Variants in RICTOR observed in about 807,000 individuals in gnomAD.
RICTOR encodes the protein rapamycin-insensitive companion of mTOR.
Under a neutral mutation model 214.9 loss-of-function variants are expected in RICTOR, and 49 were observed. That is an observed-to-expected ratio of 0.23 (90% CI 0.18 to 0.29). The LOEUF is 0.29. Ranked by LOEUF, RICTOR falls within the 10% of genes least tolerant of loss-of-function variation. RICTOR has a pLI of 1.00. For missense variants in RICTOR, 1,625 were observed against 2,047.0 expected (o/e 0.79, Z 3.98); for synonymous variants, 717 against 711.3 (o/e 1.01, Z -0.13).
intron 2 of RICTOR, among the ~76,000 whole-genome samples, chr5:39,022,729 C>T (rs1272122840): frequency 1.3e-5 from 2 of 152,142 alleles, no homozygotes; most frequent in Non-Finnish European, 2.9e-5. Context: ...AAGCATCAGA[C>T]AAACTTAACC....
intron 2 of RICTOR, among the ~76,000 whole-genome samples, chr5:39,036,962 C>T (rs1441620105): frequency 1.3e-5 from 2 of 152,132 alleles, no homozygotes; most frequent in Non-Finnish European, 2.9e-5. Flanking sequence ...CTGCACCAAG[C>T]AGTCCTAATA....
chr5:38,960,008 G>A, intron 20 of RICTOR, 30 bp from the exon 21 acceptor site: 1 of 1,417,882 alleles, frequency 7.1e-7, no homozygotes, highest in Non-Finnish European at 9.9e-7. Flanking sequence ...GATATTGTGA[G>A]AAAAGCATTC....
chr5:38,990,331 G>A (rs1400470474), intron 7 of RICTOR, among the ~76,000 whole-genome samples: 11 of 151,654 alleles, frequency 7.3e-5, no homozygotes, highest in East Asian at 5.8e-4. Context: ...ATCACACACC[G>A]GGGCCTATCA....
In RICTOR at chr5:38,967,294, C is replaced by T. The variant is rs183332433; in HGVS notation, c.1151+43G>A. The T allele has an allele frequency of 6.6e-5, 105 of 1,596,848 alleles. 1 individual carries two copies. The Admixed American group carries it at 1.3e-3, about 20-fold the overall frequency. On this transcript the variant is annotated intron_variant, in intron 13 of 37. Transcript: ENST00000357387. ...AGATTACACAGTCTAACATAAAAACCCGAATTCTAATAAATTGAAACCCTT... is the reference window on the plus strand; with the variant it reads ...AGATTACACAGTCTAACATAAAAACTCGAATTCTAATAAATTGAAACCCTT...
intron 2 of RICTOR, among the ~76,000 whole-genome samples, chr5:39,023,759 C>G (rs1372485982): frequency 2.0e-5 from 3 of 152,224 alleles, no homozygotes; most frequent in African/African-American, 7.2e-5. Flanking sequence ...TAGCTTGCGT[C>G]TGCCTACCTT....
intron 7 of RICTOR, among the ~76,000 whole-genome samples, chr5:38,990,578 A>C (rs62359811): frequency 2.1e-5 from 3 of 145,610 alleles, no homozygotes; most frequent in Admixed American, 1.4e-4. Flanking sequence ...GATATATATG[A>C]TATATACATG....
intron 27 of RICTOR, among the ~76,000 whole-genome samples, chr5:38,953,982 C>A (rs1006912939): frequency 6.6e-6 from 1 of 151,780 alleles, no homozygotes; most frequent in Non-Finnish European, 1.5e-5. Flanking sequence ...AGTAGTAACA[C>A]TGAGAAAATC....
chr5:38,948,491 T>G (rs547106792), intron 31 of RICTOR, among the ~76,000 whole-genome samples: 2 of 152,194 alleles, frequency 1.3e-5, no homozygotes, highest in South Asian at 4.1e-4. Flanking sequence ...TCAACCAGTA[T>G]AGGTCCCTTT....
intron 16 of RICTOR, 122 bp from the exon 17 acceptor site, chr5:38,963,163 T>C: frequency 3.2e-6 from 2 of 630,612 alleles, no homozygotes; most frequent in East Asian, 5.6e-5. Context: ...ATAAAGTAAA[T>C]TATTTCATCA....
At chr5:39,034,084 A>G (rs1183622528) in intron 2 of RICTOR, among the ~76,000 whole-genome samples, 1 of 152,228 alleles carries the variant, frequency 6.6e-6, no homozygotes, top group African/African-American at 2.4e-5. Context: ...GTCCTTGCTG[A>G]CAGTTTATCA....
At chr5:39,039,173 T>G (rs375034372) in intron 2 of RICTOR, among the ~76,000 whole-genome samples, 1 of 151,992 alleles carries the variant, frequency 6.6e-6, no homozygotes, top group Non-Finnish European at 1.5e-5. Flanking sequence ...ATATCTACAA[T>G]TATCTGATCT....
Position 38,963,009 on chromosome 5 carries a change from C to T in RICTOR, c.1433G>A (p.Arg478His), listed in dbSNP as rs377753143. 14 of 1,612,704 alleles carry T rather than the reference C, an allele frequency of 8.7e-6. No individual in the cohort carries two copies. Among genetic ancestry groups the T allele is most frequent in the African/African-American group, 2.7e-5 (2 of 74,818 alleles). The change falls in exon 17 of 38, where the codon CGC becomes CAC. Residue 478 changes from arginine to histidine, a missense_variant. By Grantham distance (29) the Arg-to-His change is conservative (BLOSUM62 0). Around this residue, in one of 5 missense-constraint regions of RICTOR, gnomAD observed 1,214 missense variants for 1,470.5 expected, o/e 0.83. Transcript: ENST00000357387. ...TCCTCGTTTCTTCATTTCATGGAAG[C>T]GTTTTAAACAGTTCAAGGCTGCACT... is the stretch of plus-strand genomic sequence containing the variant. Reference protein sequence around the residue: ...RASAALNCLKRFHEMKKRGPK... With the variant: ...RASAALNCLKHFHEMKKRGPK...
At chr5:39,052,430 T>C (rs1314934168) in intron 2 of RICTOR, among the ~76,000 whole-genome samples, 2 of 152,170 alleles carry the variant, frequency 1.3e-5, no homozygotes, top group African/African-American at 4.8e-5. Context: ...ACCTATCGTG[T>C]CTACAAATAC....
At chr5:39,008,251 T>C (rs1754224787) in intron 3 of RICTOR, among the ~76,000 whole-genome samples, 1 of 152,128 alleles carries the variant, frequency 6.6e-6, no homozygotes, top group South Asian at 2.1e-4. Context: ...CCTCTGCGTT[T>C]TTGTGTATTT....
intron 5 of RICTOR, among the ~76,000 whole-genome samples, chr5:38,998,908 C>G (rs1007540356): frequency 6.6e-6 from 1 of 150,578 alleles, no homozygotes; most frequent in Admixed American, 6.6e-5. Context: ...CCCAGCTACT[C>G]GGGAGGCTGA....
rs1035373121 is a variant in RICTOR, at chr5:38,953,085, T to A, written c.2797A>T (p.Ile933Phe). Residue 933 changes from isoleucine to phenylalanine, a missense_variant, in exon 29 of 38, where the codon ATC (isoleucine) becomes TTC (phenylalanine). Transcript: ENST00000357387. ...TTGAGACCCCAATTTGATGAGCCGA[T>A]ATTTCCCTGAAAGAAAAGAAATCAC... ...LKASLWALGN[I>F]GSSNWGLNLL... is the part of the protein sequence containing the mutation. 1 of 1,596,118 alleles carries A rather than the reference T, an allele frequency of 6.3e-7. No individual in the cohort carries two copies.
chr5:38,960,646 A>G (rs2150019253), intron 19 of RICTOR, 113 bp from the exon 20 acceptor site: 1 of 1,045,720 alleles, frequency 9.6e-7, no homozygotes, highest in East Asian at 2.5e-5. Flanking sequence ...GGTCTGAACC[A>G]TTGGGATAAA....
At chr5:38,954,948 A>G in intron 26 of RICTOR, 87 bp from the exon 27 acceptor site, 1 of 617,106 alleles carries the variant, frequency 1.6e-6, no homozygotes, top group Non-Finnish European at 2.8e-6. Flanking sequence ...TGTTTGATAA[A>G]TAAAATTAGA....
chr5:39,031,260 A>C (rs1756251821), intron 2 of RICTOR, among the ~76,000 whole-genome samples: 1 of 152,200 alleles, frequency 6.6e-6, no homozygotes, highest in South Asian at 2.1e-4. Flanking sequence ...GGCACTGAAA[A>C]GAAAAGGCAG....
Sources: gnomAD v4.1 joint callset for allele counts (sites outside exome capture counted in the v4.1 genomes callset) on GRCh38, gnomAD v4.1.1 for gene constraint, gnomAD v4.1.1 regional missense constraint, MANE v1.5 for transcripts, NCBI Gene and HGNC (gene_info 2026-07-23, HGNC 2026-07-21) for gene names.